GTF2F2: variants seen among roughly 807,000 people sequenced by gnomAD.
The protein encoded by GTF2F2 is general transcription factor IIF subunit 2, also known as ATP-dependent helicase GTF2F2.
A neutral mutation model predicts 42.2 loss-of-function variants in GTF2F2; 23 were observed. The observed-to-expected ratio is 0.55, with a 90% confidence interval of 0.39 to 0.77. GTF2F2 has a LOEUF of 0.77. GTF2F2 is among the 30% of genes least tolerant of loss of function. The pLI, the probability that GTF2F2 is intolerant of heterozygous loss-of-function variation, is 0.00. For synonymous variants in GTF2F2, 105 were observed against 100.8 expected, an observed-to-expected ratio of 1.04 and a Z score of -0.25; for missense variants, 261 against 287.2, an observed-to-expected ratio of 0.91 and a Z score of 0.66.
intron 5 of GTF2F2, among the ~76,000 whole-genome samples, chr13:45,224,621 T>C (rs1483049838): frequency 6.6e-6 from 1 of 152,250 alleles, no homozygotes; most frequent in Non-Finnish European, 1.5e-5. Flanking sequence ...TTGTTGTTAA[T>C]GTGATACACT....
chr13:45,168,779 G>GCTTCCTTCCTTCCTTCCTTCCTTC (rs368098791), intron 4 of GTF2F2, among the ~76,000 whole-genome samples: 1 of 125,532 alleles, frequency 8.0e-6, no homozygotes, highest in Non-Finnish European at 1.7e-5. Context: ...CACCTGGCTG[G>GCTTCCTTCCTTCCTTCCTTCCTTC]CTTCCTTCCT....
intron 7 of GTF2F2, among the ~76,000 whole-genome samples, chr13:45,268,911 G>T (rs1189900962): frequency 6.6e-6 from 1 of 152,128 alleles, no homozygotes; most frequent in Non-Finnish European, 1.5e-5. Context: ...TGGTTCTTAA[G>T]ATATTTTTTA....
chr13:45,275,913 C>T (rs2138274689), intron 7 of GTF2F2, among the ~76,000 whole-genome samples: 1 of 152,268 alleles, frequency 6.6e-6, no homozygotes, highest in African/African-American at 2.4e-5. Flanking sequence ...GTTTACAGTC[C>T]CACCAACAGG....
intron 4 of GTF2F2, among the ~76,000 whole-genome samples, chr13:45,205,870 T>C (rs1336069628): frequency 6.6e-6 from 1 of 152,220 alleles, no homozygotes; most frequent in Non-Finnish European, 1.5e-5. Flanking sequence ...ACTTTCCTTA[T>C]GCATTTAAGA....
At chr13:45,161,826 A>G (rs996269572) in intron 4 of GTF2F2, among the ~76,000 whole-genome samples, 1 of 152,216 alleles carries the variant, frequency 6.6e-6, no homozygotes, top group East Asian at 1.9e-4. Flanking sequence ...CTGGGCAACA[A>G]GAGCGAAACT....
At chr13:45,201,980 GAC>G (rs148172541) in intron 4 of GTF2F2, among the ~76,000 whole-genome samples, 1,904 of 152,200 alleles carry the variant, frequency 0.013, 42 homozygotes, top group African/African-American at 0.04. Context: ...AGCAAGCACA[GAC>G]ACACAGAGGC....
rs1330694464 is a variant in GTF2F2, at chr13:45,200,661, C to T, written c.305-6763C>T. ...AGTAAAGAGCAGCTTTTTAATAATA[C>T]AGGGATAGAAAGTTTGCCTAACTGG... On this transcript the variant is annotated intron_variant, in intron 4 of 7. Transcript: ENST00000340473. Among the ~76,000 whole-genome samples, 6 of 152,124 alleles carry T rather than the reference C, an allele frequency of 3.9e-5. No individual in the cohort carries two copies. In the East Asian group the frequency reaches 1.2e-3, roughly 29 times the overall value.
At chr13:45,279,804 C>T (rs1877185677) in intron 7 of GTF2F2, among the ~76,000 whole-genome samples, 1 of 152,148 alleles carries the variant, frequency 6.6e-6, no homozygotes, top group African/African-American at 2.4e-5. Flanking sequence ...ACTCGGGAGG[C>T]TGAGGCAGGC....
rs114882021 is a variant in GTF2F2, at chr13:45,267,867, G to T, written c.630+491G>T. 8.1e-3 allele frequency among the ~76,000 whole-genome samples: 1,167 copies of T among 143,962 alleles called. 22 individuals are homozygous for T. The highest frequency in any genetic ancestry group is 0.028 in the African/African-American group (1,089 of 38,566). 94.4% of individuals were successfully genotyped at this position (143,962 alleles called of 152,430 possible). On this transcript the variant is annotated intron_variant, in intron 7 of 7. Coordinates refer to ENST00000340473, the MANE Select transcript of GTF2F2 (RefSeq NM_004128.3). ...GTGTAGGTCCTTTTAAACCTGAACT[G>T]AACTGCACTTTCAAATTATGCTTGC...
intron 6 of GTF2F2, among the ~76,000 whole-genome samples, chr13:45,253,531 T>C (rs1367652915): frequency 1.3e-5 from 2 of 152,210 alleles, no homozygotes; most frequent in Non-Finnish European, 2.9e-5. Flanking sequence ...ATTTTAAAAC[T>C]TTATGCAGTT....
intron 2 of GTF2F2, among the ~76,000 whole-genome samples, chr13:45,140,151 C>T (rs2138105290): frequency 6.6e-6 from 1 of 151,124 alleles, no homozygotes; most frequent in South Asian, 2.1e-4. Context: ...CAGAGTCTCC[C>T]TGTGTTGCCT....
At chr13:45,191,224 A>AAAAAAAAAAAAATATATATATATATAT in intron 4 of GTF2F2, among the ~76,000 whole-genome samples, 3 of 75,310 alleles carry the variant, frequency 4.0e-5, no homozygotes, top group Admixed American at 1.4e-4. Flanking sequence ...ACAAAAAAAA[A>AAAAAAAAAAAAATATATATATATATAT]ATATATATAT....
intron 4 of GTF2F2, among the ~76,000 whole-genome samples, chr13:45,199,529 G>T (rs1444615999): frequency 2.0e-5 from 3 of 151,488 alleles, no homozygotes; most frequent in African/African-American, 4.8e-5. Context: ...GTTTTTTTTT[G>T]AAATATAACC....
At chr13:45,202,109 TG>T (rs1405971012) in intron 4 of GTF2F2, among the ~76,000 whole-genome samples, 1 of 152,126 alleles carries the variant, frequency 6.6e-6, no homozygotes, top group Non-Finnish European at 1.5e-5. Context: ...CTTCTTGGCC[TG>T]GCGTGGTGGC....
chr13:45,273,878 G>A (rs1483355948), intron 7 of GTF2F2, among the ~76,000 whole-genome samples: 3 of 152,038 alleles, frequency 2.0e-5, no homozygotes, highest in African/African-American at 4.8e-5. Context: ...TCCTGAACAC[G>A]CTAGAAAGAC....
At position 45,127,642 on chromosome 13, in the gene GTF2F2, T is replaced by C. The variant is rs189194316; in HGVS notation, c.66+6921T>C. On this transcript the variant is annotated intron_variant, in intron 1 of 7. Transcript: ENST00000340473. ...TGAGCCACCACCCCTGGCCTTGTTT[T>C]TTTTTGGAGACGGAATCTTGCTCTT... 3.7e-4 allele frequency among the ~76,000 whole-genome samples: 57 copies of C among 152,160 alleles called. 2 individuals are homozygous for C. The East Asian group carries it at 7.9e-3, about 21-fold the overall frequency.
intron 5 of GTF2F2, among the ~76,000 whole-genome samples, chr13:45,234,566 AAT>A (rs1182724454): frequency 6.6e-6 from 1 of 152,190 alleles, no homozygotes. Flanking sequence ...TAATAGCAAA[AAT>A]ATTTATTTTA....
intron 2 of GTF2F2, among the ~76,000 whole-genome samples, chr13:45,139,186 A>G (rs948344545): frequency 6.6e-6 from 1 of 152,186 alleles, no homozygotes; most frequent in Non-Finnish European, 1.5e-5. Flanking sequence ...GAAATGTAGG[A>G]TGTACCCAGC....
At chr13:45,259,628 CTT>C (rs1316642138) in intron 6 of GTF2F2, among the ~76,000 whole-genome samples, 1 of 143,068 alleles carries the variant, frequency 7.0e-6, no homozygotes, top group Admixed American at 7.1e-5. Flanking sequence ...AAGGAAACCT[CTT>C]TCTCGCAAAC....
Sources: gnomAD v4.1 joint callset for allele counts (sites outside exome capture counted in the v4.1 genomes callset) on GRCh38, gnomAD v4.1.1 for gene constraint, MANE v1.5 for transcripts, NCBI Gene and HGNC (gene_info 2026-07-23, HGNC 2026-07-21) for gene names.